GPSM2: variants seen among roughly 807,000 people sequenced by gnomAD.
GPSM2 encodes G protein signaling modulator 2.
GPSM2 carries 58 observed loss-of-function variants against 78.4 expected under a neutral mutation model. The observed-to-expected ratio is 0.74, with a 90% CI of 0.60 to 0.92. The LOEUF (loss-of-function observed/expected upper bound fraction) is 0.92, where lower values mean the gene tolerates loss of function less well. GPSM2 is among the 40% of genes least tolerant of loss of function. GPSM2 has a pLI of 0.00. For missense variants in GPSM2, 700 were observed against 815.5 expected, an observed-to-expected ratio of 0.86 and a Z score of 1.73; for synonymous variants, 224 against 280.2, an observed-to-expected ratio of 0.80 and a Z score of 2.00.
At position 108,918,487 on chromosome 1, in the gene GPSM2, T is replaced by A. The variant is rs559666003; in HGVS notation, c.1264-126T>A. On this transcript the variant is annotated intron_variant, in intron 11 of 14. Transcript: ENST00000264126. ...TAAAAAGGATATTTTTAAAGAGATCTAAAATTCTTCCTCTCTCCCCCAATA... is the reference window on the plus strand; with the variant it reads ...TAAAAAGGATATTTTTAAAGAGATCAAAAATTCTTCCTCTCTCCCCCAATA... 1.9e-3 allele frequency: 1,334 copies of A among 711,944 alleles called. 9 individuals are homozygous for A. The highest frequency in any genetic ancestry group is 7.5e-3 in the South Asian group (448 of 59,420). The allele number at this position is 711,944 out of a possible 1,614,324, so 44.1% of individuals were successfully genotyped here. A position where few individuals can be genotyped will look rare whatever the true frequency, so the allele number is the denominator to read the frequency against.
At chr1:108,918,181 G>A (rs1394201798) in intron 11 of GPSM2, among the ~76,000 whole-genome samples, 2 of 152,012 alleles carry the variant, frequency 1.3e-5, no homozygotes, top group African/African-American at 4.8e-5. Flanking sequence ...AGTAAAAACA[G>A]TACCGTTTTA....
chr1:108,881,602 TA>T (rs773083311), intron 1 of GPSM2, among the ~76,000 whole-genome samples: 49 of 152,336 alleles, frequency 3.2e-4, no homozygotes, highest in African/African-American at 1.1e-3. Context: ...GTTCAGTGAA[TA>T]TTTTTTTGTG....
chr1:108,923,915 T>C lies in GPSM2; in HGVS notation c.1601-85T>C, dbSNP rs1018716899. On this transcript the variant is annotated intron_variant, in intron 13 of 14. Coordinates refer to ENST00000264126, the MANE Select transcript of GPSM2 (RefSeq NM_013296.5). Reference sequence around the variant, plus strand: ...TGGGACTGGCAAGGCCGAAAAGATCTAGGTATATAATAAATGTGCCTAGGT... The same window carrying C: ...TGGGACTGGCAAGGCCGAAAAGATCCAGGTATATAATAAATGTGCCTAGGT... 1.4e-5 allele frequency: 13 copies of C among 955,398 alleles called. No homozygotes were observed. In the African/African-American group the frequency reaches 2.1e-4, roughly 15 times the overall value. 59.2% of individuals were successfully genotyped at this position (955,398 alleles called of 1,614,324 possible). A position where few individuals can be genotyped will look rare whatever the true frequency, so the allele number is the denominator to read the frequency against.
At chr1:108,917,289 C>T (rs1184427375) in intron 11 of GPSM2, among the ~76,000 whole-genome samples, 1 of 151,880 alleles carries the variant, frequency 6.6e-6, no homozygotes, top group African/African-American at 2.4e-5. Context: ...GCAACAAGGC[C>T]GGGCGCAGTG....
intron 2 of GPSM2, among the ~76,000 whole-genome samples, chr1:108,886,134 A>G (rs141318290): frequency 0.026 from 4,008 of 152,198 alleles, 93 homozygotes; most frequent in Non-Finnish European, 0.038. Flanking sequence ...GGCTCAAGCA[A>G]TCCTCCTGCC....
rs1264913442 is a variant in GPSM2, at chr1:108,933,960, A to G, written c.*4020A>G. The G allele has an allele frequency of 6.6e-6, 1 of 152,266 alleles. No individual in the cohort carries two copies. The highest frequency in any genetic ancestry group is 1.9e-4 in the East Asian group (1 of 5,202). The allele number at this position is 152,266 out of a possible 1,614,324, so 9.4% of individuals were successfully genotyped here. On this transcript the variant is annotated 3_prime_UTR_variant, in exon 15 of 15. Coordinates refer to ENST00000264126, the MANE Select transcript of GPSM2 (RefSeq NM_013296.5). ...AACACAAAAAATAGGTTTTATAAAAAGCCCATGCACTTCAATTGGTGGGGG... is the reference window on the plus strand; with the variant it reads ...AACACAAAAAATAGGTTTTATAAAAGGCCCATGCACTTCAATTGGTGGGGG...
chr1:108,917,611 C>CACACATATATATATATATATATAT (rs1312607573), intron 11 of GPSM2, among the ~76,000 whole-genome samples: 2 of 22,736 alleles, frequency 8.8e-5, no homozygotes, highest in Non-Finnish European at 1.6e-4. Context: ...CACACACACA[C>CACACATATATATATATATATATAT]ATATATATAT....
At chr1:108,901,990 G>A in intron 8 of GPSM2, 45 bp downstream of exon 8, 1 of 1,311,288 alleles carries the variant, frequency 7.6e-7, no homozygotes, top group Non-Finnish European at 1.1e-6. Context: ...AAATATAGAT[G>A]CATTATTGAA....
intron 1 of GPSM2, among the ~76,000 whole-genome samples, chr1:108,879,183 CTT>C (rs1204037524): frequency 1.3e-5 from 2 of 152,158 alleles, no homozygotes; most frequent in Non-Finnish European, 2.9e-5. Context: ...AAGAGTAAGA[CTT>C]TTCTGAGTTT....
In GPSM2 at chr1:108,917,807, C is replaced by T. The variant is rs555241223; in HGVS notation, c.1264-806C>T. Among the ~76,000 whole-genome samples, 8 of 150,740 alleles carry T rather than the reference C, an allele frequency of 5.3e-5. No homozygotes were observed. In the East Asian group the frequency reaches 1.2e-3, roughly 22 times the overall value. On this transcript the variant is annotated intron_variant, in intron 11 of 14. Transcript: ENST00000264126. ...TAGCTACATGTCTCACTCCCCTGTA[C>T]ATTTATTTCAATTTGTGTCTCATGG...
rs2101585614 is a variant in GPSM2, at chr1:108,931,001, A to G, written c.*1061A>G. 1 of 194,198 alleles carries G rather than the reference A, an allele frequency of 5.1e-6. No homozygotes were observed. The highest frequency in any genetic ancestry group is 1.6e-4 in the East Asian group (1 of 6,308). The allele number at this position is 194,198 out of a possible 1,614,324, so 12.0% of individuals were successfully genotyped here. On this transcript the variant is annotated 3_prime_UTR_variant, in exon 15 of 15. Coordinates refer to ENST00000264126, the MANE Select transcript of GPSM2 (RefSeq NM_013296.5). Reference sequence around the variant, plus strand: ...CAGGAGGTGGAGGCTGCACTGAGCTATGATCGTGCCACTGCACTCCAGCCT... The same window carrying G: ...CAGGAGGTGGAGGCTGCACTGAGCTGTGATCGTGCCACTGCACTCCAGCCT...
At chr1:108,886,922 T>C (rs1355858717) in intron 2 of GPSM2, among the ~76,000 whole-genome samples, 1 of 151,794 alleles carries the variant, frequency 6.6e-6, no homozygotes, top group Non-Finnish European at 1.5e-5. Flanking sequence ...AGTCTCACTC[T>C]GACGCCCAGG....
chr1:108,934,378 C>T lies in GPSM2; in HGVS notation c.*4438C>T. 1 of 355,532 alleles carries T rather than the reference C, an allele frequency of 2.8e-6. No individual in the cohort carries two copies. The highest frequency in any genetic ancestry group is 5.0e-6 in the Non-Finnish European group (1 of 198,130). The allele number at this position is 355,532 out of a possible 1,614,324, so 22.0% of individuals were successfully genotyped here. On this transcript the variant is annotated 3_prime_UTR_variant, in exon 15 of 15. Coordinates refer to ENST00000264126, the MANE Select transcript of GPSM2 (RefSeq NM_013296.5). Reference sequence around the variant, plus strand: ...AATGTCCCCAATTCAAACTGGCCTCCTTAACTATCCAGAATCAGTGATGCC... The same window carrying T: ...AATGTCCCCAATTCAAACTGGCCTCTTTAACTATCCAGAATCAGTGATGCC...
chr1:108,929,958 T>C lies in GPSM2; in HGVS notation c.*18T>C. On this transcript the variant is annotated 3_prime_UTR_variant, in exon 15 of 15. Coordinates refer to ENST00000264126, the MANE Select transcript of GPSM2 (RefSeq NM_013296.5). ...ACCATTAGTTACTATGGATTTATTT[T>C]TTTTCCTTTCAAACACGGTAAGGAA... The C allele has an allele frequency of 6.2e-7, 1 of 1,609,214 alleles. No homozygotes were observed. Among genetic ancestry groups the C allele is most frequent in the South Asian group, 1.1e-5 (1 of 90,818 alleles).
At chr1:108,925,590 C>G (rs1033257116) in intron 14 of GPSM2, among the ~76,000 whole-genome samples, 1 of 151,976 alleles carries the variant, frequency 6.6e-6, no homozygotes, top group African/African-American at 2.4e-5. Context: ...TTAAGCAGTG[C>G]TCAACTGTGG....
At chr1:108,896,039 T>G (rs780134072) in intron 2 of GPSM2, among the ~76,000 whole-genome samples, 13 of 152,188 alleles carry the variant, frequency 8.5e-5, no homozygotes, top group Non-Finnish European at 1.8e-4. Context: ...TTCCTACATA[T>G]GGCAGAAATC....
intron 1 of GPSM2, among the ~76,000 whole-genome samples, chr1:108,879,007 A>G (rs1197728102): frequency 1.3e-5 from 2 of 152,224 alleles, no homozygotes; most frequent in African/African-American, 4.8e-5. Flanking sequence ...TGTAGGGACA[A>G]GTTCTACTTT....
intron 2 of GPSM2, among the ~76,000 whole-genome samples, chr1:108,893,883 C>T (rs1648159339): frequency 6.6e-6 from 1 of 151,652 alleles, no homozygotes; most frequent in African/African-American, 2.4e-5. Flanking sequence ...GATGAAACCC[C>T]ATCTCTACTA....
At chr1:108,921,932 A>G (rs558613084) in intron 12 of GPSM2, among the ~76,000 whole-genome samples, 1 of 152,282 alleles carries the variant, frequency 6.6e-6, no homozygotes, top group African/African-American at 2.4e-5. Context: ...AATGAAGTAT[A>G]AATATAGTTC....
Sources: gnomAD v4.1 joint callset for allele counts (sites outside exome capture counted in the v4.1 genomes callset) on GRCh38, gnomAD v4.1.1 for gene constraint, MANE v1.5 for transcripts, NCBI Gene and HGNC (gene_info 2026-07-23, HGNC 2026-07-21) for gene names.